Variants in AAR2 observed in about 807,000 individuals in gnomAD.
The protein encoded by AAR2 is protein AAR2 homolog.
AAR2 carries 31 observed loss-of-function variants against 26.9 expected under a neutral mutation model. That is an observed-to-expected ratio of 1.15 (90% CI 0.86 to 1.55). The LOEUF is 1.55. Ranked by LOEUF, AAR2 falls within the 40% of genes most tolerant of loss-of-function variation. The pLI is 0.00. For synonymous variants in AAR2, 188 were observed against 196.1 expected, an observed-to-expected ratio of 0.96 and a Z score of 0.34; for missense variants, 430 against 491.3, an observed-to-expected ratio of 0.88 and a Z score of 1.18.
At position 36,255,588 on chromosome 20, in the gene AAR2, C is replaced by T. The variant is rs769340068; in HGVS notation, c.998C>T (p.Ser333Phe). 5 of 1,614,094 alleles carry T rather than the reference C, an allele frequency of 3.1e-6. No individual in the cohort carries two copies. In the East Asian group the frequency reaches 1.1e-4, roughly 36 times the overall value. Residue 333 changes from serine (S) to phenylalanine (F), a missense_variant, in exon 4 of 4, where the codon TCC becomes TTC. Physicochemically the swap from Ser to Phe is radical, Grantham distance 155 (BLOSUM62 -2). Coordinates refer to ENST00000320849, the MANE Select transcript of AAR2 (RefSeq NM_001271874.2). ...FLTSTLQVFF[S>F]SACSIAVDAT... is the part of the protein sequence containing the mutation. Reference sequence around the variant, plus strand: ...CTCTGTTCTCTGTAGGTTTTCTTTTCCTCTGCCTGCAGCATTGCCGTGGAT... The same window carrying T: ...CTCTGTTCTCTGTAGGTTTTCTTTTTCTCTGCCTGCAGCATTGCCGTGGAT...
In AAR2 at chr20:36,240,044, A is replaced by G; in HGVS notation, c.176A>G (p.His59Arg). The change falls in exon 2 of 4, where the codon CAC (histidine) becomes CGC (arginine). Residue 59 changes from histidine to arginine, a missense_variant. Transcript: ENST00000320849. ...ATCCCTCCAGGCATCCACTTCCTCCACTACAGCTCTGTGGACAAGGCTAAT... is the reference window on the plus strand; with the variant it reads ...ATCCCTCCAGGCATCCACTTCCTCCGCTACAGCTCTGTGGACAAGGCTAAT... ...KMIPPGIHFL[H>R]YSSVDKANPK... 6.2e-7 allele frequency: 1 copy of G among 1,614,152 alleles called. No homozygotes were observed. The highest frequency in any genetic ancestry group is 8.5e-7 in the Non-Finnish European group (1 of 1,180,018).
chr20:36,240,972 G>A (rs1327917114), intron 2 of AAR2, among the ~76,000 whole-genome samples: 2 of 152,178 alleles, frequency 1.3e-5, no homozygotes, highest in African/African-American at 4.8e-5. Context: ...TGGTTTCTGG[G>A]CCAGACCTGT....
chr20:36,237,212 C>T (rs1029485503), intron 1 of AAR2, among the ~76,000 whole-genome samples: 2 of 152,144 alleles, frequency 1.3e-5, no homozygotes, highest in Admixed American at 6.5e-5. Flanking sequence ...GGAGTCAGAC[C>T]GTGCAGGCTT....
chr20:36,241,900 G>A lies in AAR2; in HGVS notation c.757+1275G>A, dbSNP rs553073928. 1.1e-4 allele frequency among the ~76,000 whole-genome samples: 16 copies of A among 152,222 alleles called. No individual in the cohort carries two copies. In the East Asian group the frequency reaches 3.1e-3, roughly 29 times the overall value. Reference sequence around the variant, plus strand: ...GGAGAAGGTTTTTGCATCCTTGCTGGCTGGTAGGAACCTGTTGCCCATCAC... The same window carrying A: ...GGAGAAGGTTTTTGCATCCTTGCTGACTGGTAGGAACCTGTTGCCCATCAC... On this transcript the variant is annotated intron_variant, in intron 2 of 3. Transcript: ENST00000320849.
intron 3 of AAR2, 51 bp from the exon 4 acceptor site, chr20:36,255,527 G>A (rs983648900): frequency 2.8e-5 from 44 of 1,599,946 alleles, no homozygotes; most frequent in Non-Finnish European, 3.2e-5. Context: ...CAGCTTTCTC[G>A]CCCCCTGCCC....
chr20:36,240,386 G>A lies in AAR2; in HGVS notation c.518G>A (p.Arg173His), dbSNP rs769126744. The change falls in exon 2 of 4, where the codon CGC becomes CAC. Residue 173 changes from arginine (R) to histidine (H), a missense_variant. Physicochemically the swap from Arg to His is conservative, Grantham distance 29 (BLOSUM62 0). Transcript: ENST00000320849. The part of the protein sequence containing the change: ...PVLSMKHTKD[R>H]VGQNLPRCGI... ...CTCTCCATGAAGCACACCAAGGACC[G>A]CGTGGGGCAGAATCTACCCCGCTGT... 1.4e-5 allele frequency: 23 copies of A among 1,614,086 alleles called. No homozygotes were observed. The highest frequency in any genetic ancestry group is 1.9e-5 in the Non-Finnish European group (23 of 1,180,060).
intron 2 of AAR2, among the ~76,000 whole-genome samples, chr20:36,243,525 A>G (rs2064704142): frequency 6.6e-6 from 1 of 152,204 alleles, no homozygotes; most frequent in Non-Finnish European, 1.5e-5. Flanking sequence ...TTTATGGCCC[A>G]CATGTATGTA....
intron 1 of AAR2, among the ~76,000 whole-genome samples, chr20:36,236,999 C>T (rs560535058): frequency 1.3e-4 from 20 of 152,244 alleles, no homozygotes; most frequent in Admixed American, 6.5e-4. Flanking sequence ...TCACAGGAGA[C>T]CTGACCTAGC....
At chr20:36,243,563 G>A (rs897679546) in intron 2 of AAR2, among the ~76,000 whole-genome samples, 1 of 152,150 alleles carries the variant, frequency 6.6e-6, no homozygotes, top group African/African-American at 2.4e-5. Flanking sequence ...AGCCACCTTT[G>A]AAGTAGAGAG....
intron 3 of AAR2, among the ~76,000 whole-genome samples, chr20:36,253,690 G>A (rs2064797777): frequency 6.6e-6 from 1 of 152,166 alleles, no homozygotes; most frequent in Admixed American, 6.5e-5. Context: ...GTTCATGAGA[G>A]CATCAGAATA....
intron 1 of AAR2, among the ~76,000 whole-genome samples, chr20:36,238,432 T>C (rs368808930): frequency 6.6e-5 from 10 of 152,170 alleles, no homozygotes; most frequent in African/African-American, 2.4e-4. Flanking sequence ...AGGATTGGTC[T>C]TCCTTTCTGC....
In AAR2 at chr20:36,256,806, C is replaced by T. The variant is rs2064825562; in HGVS notation, c.*1061C>T. ...TCACAGTCCCTGTGCCATCCTTTTC[C>T]AAGACTGGGGCTCACACCATGTTTT... On this transcript the variant is annotated 3_prime_UTR_variant, in exon 4 of 4. Transcript: ENST00000320849. The T allele has an allele frequency of 6.6e-6, 1 of 152,656 alleles. No homozygotes were observed. The highest frequency in any genetic ancestry group is 2.4e-5 in the African/African-American group (1 of 41,450). 9.5% of individuals were successfully genotyped at this position (152,656 alleles called of 1,614,324 possible). A position where few individuals can be genotyped will look rare whatever the true frequency, so the allele number is the denominator to read the frequency against.
chr20:36,237,694 A>G (rs1340061325), intron 1 of AAR2, among the ~76,000 whole-genome samples: 3 of 151,728 alleles, frequency 2.0e-5, no homozygotes, highest in African/African-American at 7.3e-5. Flanking sequence ...ATATCTGTTC[A>G]TTCAGCAAAT....
In AAR2 at chr20:36,240,518, C is replaced by T. The variant is rs1382311565; in HGVS notation, c.650C>T (p.Pro217Leu). ...RFSELPTQMFPEGATPAEITK... is the reference protein window; with the variant it reads ...RFSELPTQMFLEGATPAEITK... ...TCAGAGCTGCCCACGCAGATGTTCC[C>T]AGAGGGTGCCACGCCAGCTGAGATA... The change falls in exon 2 of 4, where the codon CCA becomes CTA. Residue 217 changes from proline to leucine, a missense_variant. Coordinates refer to ENST00000320849, the MANE Select transcript of AAR2 (RefSeq NM_001271874.2). The T allele has an allele frequency of 1.2e-6, 2 of 1,613,950 alleles. No homozygotes were observed. The highest frequency in any genetic ancestry group is 1.3e-5 in the African/African-American group (1 of 74,932).
chr20:36,244,802 T>C lies in AAR2; in HGVS notation c.863T>C (p.Met288Thr), dbSNP rs758937745. ...CTCCTGTGCCGGTCAGAAGCAGCCA[T>C]GATGAAGCACCACACCCTCTACATC... ...LNLLCRSEAA[M>T]MKHHTLYINL... Residue 288 changes from methionine to threonine, a missense_variant, in exon 3 of 4, where the codon ATG (methionine) becomes ACG (threonine). By Grantham distance (81) the Met-to-Thr change is moderately conservative. Coordinates refer to ENST00000320849, the MANE Select transcript of AAR2 (RefSeq NM_001271874.2). 8 of 1,614,170 alleles carry C rather than the reference T, an allele frequency of 5.0e-6. No individual in the cohort carries two copies. The Admixed American group carries it at 5.0e-5, about 10-fold the overall frequency.
intron 3 of AAR2, among the ~76,000 whole-genome samples, chr20:36,253,916 G>A (rs747867188): frequency 3.3e-5 from 5 of 152,170 alleles, no homozygotes; most frequent in Non-Finnish European, 7.3e-5. Context: ...TATTAGAATG[G>A]CATGATTTAA....
chr20:36,247,023 G>A (rs565039512), intron 3 of AAR2, among the ~76,000 whole-genome samples: 2 of 152,340 alleles, frequency 1.3e-5, no homozygotes, highest in South Asian at 2.1e-4. Context: ...AGCATCTGCT[G>A]TATAGAAGAC....
intron 3 of AAR2, among the ~76,000 whole-genome samples, chr20:36,251,026 GTC>G (rs2064776077): frequency 6.6e-6 from 1 of 151,838 alleles, no homozygotes; most frequent in Admixed American, 6.6e-5. Context: ...GCGAAACCCT[GTC>G]TCTACAAAAA....
chr20:36,247,285 C>T (rs1032627012), intron 3 of AAR2, among the ~76,000 whole-genome samples: 1 of 152,192 alleles, frequency 6.6e-6, no homozygotes, highest in Non-Finnish European at 1.5e-5. Context: ...TAGACTGCAT[C>T]GGAGTTTACC....
Sources: gnomAD v4.1 joint callset for allele counts (sites outside exome capture counted in the v4.1 genomes callset) on GRCh38, gnomAD v4.1.1 for gene constraint, MANE v1.5 for transcripts, NCBI Gene and HGNC (gene_info 2026-07-23, HGNC 2026-07-21) for gene names.